PDK1: variants seen among roughly 807,000 people sequenced by gnomAD.
PDK1 encodes [Pyruvate dehydrogenase (acetyl-transferring)] kinase isozyme 1, mitochondrial.
Under a neutral mutation model 54.2 loss-of-function variants are expected in PDK1, and 39 were observed. That is an observed-to-expected ratio of 0.72 (90% confidence interval 0.56 to 0.94). The LOEUF (loss-of-function observed/expected upper bound fraction) is 0.94, where lower values mean the gene tolerates loss of function less well. Ranked by LOEUF, PDK1 falls within the 40% of genes least tolerant of loss-of-function variation. The pLI is 0.00. For missense variants in PDK1, 552 were observed against 566.0 expected, an observed-to-expected ratio of 0.98 and a Z score of 0.25; for synonymous variants, 221 against 207.1, an observed-to-expected ratio of 1.07 and a Z score of -0.58.
downstream of PDK1, among the ~76,000 whole-genome samples, chr2:172,610,419 T>TGG (rs201365624): frequency 6.6e-6 from 1 of 151,882 alleles, no homozygotes; most frequent in African/African-American, 2.4e-5. Context: ...GCCACCATGG[T>TGG]GGGGGGGCTC....
intron 8 of PDK1, among the ~76,000 whole-genome samples, chr2:172,580,928 T>C (rs1689868139): frequency 6.6e-6 from 1 of 152,172 alleles, no homozygotes; most frequent in African/African-American, 2.4e-5. Flanking sequence ...GGACAGAAAG[T>C]AGATTAGTGG....
rs139367233 is a variant in PDK1, at chr2:172,557,966, G to A, written c.197-742G>A. Among the ~76,000 whole-genome samples the A allele has an allele frequency of 9.4e-4, 142 of 151,478 alleles. 1 individual carries two copies. Among genetic ancestry groups the A allele is most frequent in the African/African-American group, 3.2e-3 (133 of 41,260 alleles). On this transcript the variant is annotated intron_variant, in intron 1 of 10. Coordinates refer to ENST00000282077, the MANE Select transcript of PDK1 (RefSeq NM_002610.5). ...TTTCAGCCTGAGCCTCCCAAGCCTA[G>A]AACTACCGGCAAGCACCACCACGCC...
At chr2:172,564,783 A>T in intron 4 of PDK1, 96 bp downstream of exon 4, 1 of 1,164,766 alleles carries the variant, frequency 8.6e-7, no homozygotes, top group Non-Finnish European at 1.2e-6. Flanking sequence ...TAGGAAATTT[A>T]GTTTTACCTT....
the PDK1 span, among the ~76,000 whole-genome samples, chr2:172,700,362 G>C: frequency 6.6e-6 from 1 of 150,590 alleles, no homozygotes; most frequent in African/African-American, 2.4e-5. Flanking sequence ...CCTCCTGGAC[G>C]GGGTGGCGGC....
chr2:172,616,803 G>T, the PDK1 span, among the ~76,000 whole-genome samples: 2 of 152,096 alleles, frequency 1.3e-5, no homozygotes, highest in African/African-American at 4.8e-5. Context: ...GCTAGTAGTA[G>T]GACTGACAGT....
At chr2:172,614,511 C>G in the PDK1 span, among the ~76,000 whole-genome samples, 2 of 152,212 alleles carry the variant, frequency 1.3e-5, no homozygotes, top group Non-Finnish European at 2.9e-5. Flanking sequence ...GGGCGACCAC[C>G]TTCAGAGAGA....
At chr2:172,629,945 C>T in the PDK1 span, among the ~76,000 whole-genome samples, 1 of 152,166 alleles carries the variant, frequency 6.6e-6, no homozygotes, top group Non-Finnish European at 1.5e-5. Context: ...GGGAAGTATT[C>T]GGTTTCACAT....
chr2:172,703,697 C>T, the PDK1 span, among the ~76,000 whole-genome samples: 1 of 151,330 alleles, frequency 6.6e-6, no homozygotes, highest in African/African-American at 2.4e-5. Flanking sequence ...TAACTCCTCA[C>T]ACTTTGTGTT....
At chr2:172,720,109 TC>T in the PDK1 span, among the ~76,000 whole-genome samples, 1 of 103,220 alleles carries the variant, frequency 9.7e-6, no homozygotes, top group African/African-American at 3.9e-5. Context: ...TCTCTCTCTC[TC>T]TCTCTCTTTT....
At chr2:172,559,168 C>T (rs552578727) in intron 2 of PDK1, among the ~76,000 whole-genome samples, 1 of 152,220 alleles carries the variant, frequency 6.6e-6, no homozygotes, top group Non-Finnish European at 1.5e-5. Context: ...AGGATGATCT[C>T]GGTCTCCTGA....
chr2:172,635,205 A>G, the PDK1 span, among the ~76,000 whole-genome samples: 3 of 152,250 alleles, frequency 2.0e-5, no homozygotes, highest in Non-Finnish European at 4.4e-5. Flanking sequence ...ATTTCACAGT[A>G]AAATTTATAT....
At chr2:172,686,959 A>AT in the PDK1 span, among the ~76,000 whole-genome samples, 1 of 152,312 alleles carries the variant, frequency 6.6e-6, no homozygotes, top group South Asian at 2.1e-4. Context: ...ATCACACCTA[A>AT]TTTTTTAGGA....
chr2:172,569,782 A>G (rs897221280), intron 7 of PDK1, among the ~76,000 whole-genome samples: 4 of 152,170 alleles, frequency 2.6e-5, no homozygotes, highest in African/African-American at 7.2e-5. Context: ...TCCTGGCCTC[A>G]AGCAGTCCTG....
At chr2:172,574,948 T>A (rs759354755) in intron 8 of PDK1, among the ~76,000 whole-genome samples, 3 of 152,208 alleles carry the variant, frequency 2.0e-5, no homozygotes, top group Non-Finnish European at 4.4e-5. Flanking sequence ...TTTCTGATAC[T>A]AAGGGGGAGA....
chr2:172,612,362 T>C (rs1691488970), downstream of PDK1, among the ~76,000 whole-genome samples: 1 of 152,242 alleles, frequency 6.6e-6, no homozygotes, highest in South Asian at 2.1e-4. Context: ...AGCTAATGTA[T>C]GTACAATGCT....
chr2:172,657,062 TC>T, the PDK1 span, among the ~76,000 whole-genome samples: 1 of 152,188 alleles, frequency 6.6e-6, no homozygotes, highest in Non-Finnish European at 1.5e-5. Flanking sequence ...TTACTGGGCT[TC>T]TGTTCTTGGT....
At chr2:172,662,477 G>A in the PDK1 span, among the ~76,000 whole-genome samples, 20 of 70,518 alleles carry the variant, frequency 2.8e-4, no homozygotes, top group African/African-American at 7.9e-4. Flanking sequence ...GCTATAAAGG[G>A]AAGACTTTTT....
At chr2:172,707,280 A>C in the PDK1 span, among the ~76,000 whole-genome samples, 1 of 152,080 alleles carries the variant, frequency 6.6e-6, no homozygotes, top group African/African-American at 2.4e-5. Flanking sequence ...TGGGAGCGGG[A>C]GGAAGGTTGG....
chr2:172,629,883 T>C, the PDK1 span, among the ~76,000 whole-genome samples: 4 of 152,234 alleles, frequency 2.6e-5, no homozygotes, highest in Admixed American at 2.6e-4. Context: ...GTTTGAAAGC[T>C]GTGGGCTGAG....
Sources: gnomAD v4.1 joint callset for allele counts (sites outside exome capture counted in the v4.1 genomes callset) on GRCh38, gnomAD v4.1.1 for gene constraint, MANE v1.5 for transcripts, NCBI Gene and HGNC (gene_info 2026-07-23, HGNC 2026-07-21) for gene names.